The following PKIB variants were observed in gnomAD, a reference collection of about 807,000 sequenced individuals.
PKIB encodes the protein cAMP-dependent protein kinase inhibitor beta.
A neutral mutation model predicts 4.5 loss-of-function variants in PKIB; 2 were observed. That is an observed-to-expected ratio of 0.44 (90% CI 0.18 to 1.39). The LOEUF (loss-of-function observed/expected upper bound fraction) is 1.39. PKIB is among the 40% of genes most tolerant of loss of function. The pLI is 0.27. For synonymous variants in PKIB, 38 were observed against 36.0 expected (o/e 1.06, Z -0.20); for missense variants, 94 against 92.6 (o/e 1.02, Z -0.06).
chr6:122,653,731 C>T (rs1275385387), intron 2 of PKIB, among the ~76,000 whole-genome samples: 1 of 151,754 alleles, frequency 6.6e-6, no homozygotes, highest in Non-Finnish European at 1.5e-5. Flanking sequence ...GAGGTCGAGG[C>T]GGGCGGATCA....
At chr6:122,692,766 A>G (rs1778408873) in intron 3 of PKIB, among the ~76,000 whole-genome samples, 1 of 152,216 alleles carries the variant, frequency 6.6e-6, no homozygotes, top group Non-Finnish European at 1.5e-5. Flanking sequence ...TCAGGGGGAC[A>G]ATAGGTAGAG....
At chr6:122,697,213 G>C (rs530621974) in intron 3 of PKIB, among the ~76,000 whole-genome samples, 1 of 152,152 alleles carries the variant, frequency 6.6e-6, no homozygotes, top group South Asian at 2.1e-4. Flanking sequence ...TGCTACTCAA[G>C]GATAAATAGA....
chr6:122,521,495 A>G (rs1386351835), intron 2 of PKIB, among the ~76,000 whole-genome samples: 1 of 151,942 alleles, frequency 6.6e-6, no homozygotes, highest in African/African-American at 2.4e-5. Flanking sequence ...CCTGGCTAAC[A>G]CGGTGAAACG....
At chr6:122,603,053 A>G (rs1774427394) in intron 3 of PKIB, among the ~76,000 whole-genome samples, 1 of 151,992 alleles carries the variant, frequency 6.6e-6, no homozygotes, top group South Asian at 2.1e-4. Flanking sequence ...ATTCCCCAGG[A>G]ACATCTCAAA....
At chr6:122,708,591 GAATGCCTTTTTA>G (rs1339020120) in intron 3 of PKIB, among the ~76,000 whole-genome samples, 5 of 152,062 alleles carry the variant, frequency 3.3e-5, no homozygotes, top group Non-Finnish European at 7.4e-5. Context: ...ATGATTTTTT[GAATGCCTTTTTA>G]AACAATATCA....
chr6:122,556,579 A>G (rs1428069123), intron 2 of PKIB, among the ~76,000 whole-genome samples: 1 of 152,148 alleles, frequency 6.6e-6, no homozygotes, highest in African/African-American at 2.4e-5. Flanking sequence ...CTGCTCTACA[A>G]CTTGGGCCAT....
chr6:122,551,069 T>C (rs947546727), intron 2 of PKIB, among the ~76,000 whole-genome samples: 1 of 152,184 alleles, frequency 6.6e-6, no homozygotes, highest in African/African-American at 2.4e-5. Context: ...TGAGGTTATC[T>C]CTGTTATCCT....
At chr6:122,541,076 C>A (rs1353103625) in intron 2 of PKIB, among the ~76,000 whole-genome samples, 1 of 151,230 alleles carries the variant, frequency 6.6e-6, no homozygotes, top group Non-Finnish European at 1.5e-5. Flanking sequence ...CTATGTGTGT[C>A]TCTGCACGTG....
chr6:122,599,662 C>T (rs1774293486), intron 3 of PKIB, among the ~76,000 whole-genome samples: 1 of 152,128 alleles, frequency 6.6e-6, no homozygotes, highest in African/African-American at 2.4e-5. Flanking sequence ...CCTTGGTTCT[C>T]CACATATGGT....
chr6:122,711,245 A>G (rs755428232), intron 3 of PKIB, among the ~76,000 whole-genome samples: 1 of 152,036 alleles, frequency 6.6e-6, no homozygotes, highest in South Asian at 2.1e-4. Context: ...TATACAGTGA[A>G]TTTTCTTTTT....
intron 2 of PKIB, among the ~76,000 whole-genome samples, chr6:122,534,903 C>T (rs780506992): frequency 9.2e-5 from 14 of 152,086 alleles, no homozygotes; most frequent in Non-Finnish European, 1.5e-4. Context: ...AGAGTTTCAG[C>T]GAATATTCAT....
intron 2 of PKIB, among the ~76,000 whole-genome samples, chr6:122,560,144 T>C (rs2114670529): frequency 6.6e-6 from 1 of 152,214 alleles, no homozygotes; most frequent in Admixed American, 6.6e-5. Context: ...ATGCTTTCAA[T>C]TTTTCCCCAT....
At chr6:122,528,207 C>T (rs1431898917) in intron 2 of PKIB, among the ~76,000 whole-genome samples, 1 of 152,136 alleles carries the variant, frequency 6.6e-6, no homozygotes, top group Non-Finnish European at 1.5e-5. Flanking sequence ...TATAGCCACT[C>T]CTGCTGTTTT....
chr6:122,508,852 G>A (rs1438248512), intron 2 of PKIB, among the ~76,000 whole-genome samples: 5 of 151,820 alleles, frequency 3.3e-5, no homozygotes, highest in South Asian at 2.1e-4. Context: ...CTGGGTTCAC[G>A]CCATTCTCCT....
intron 1 of PKIB, among the ~76,000 whole-genome samples, chr6:122,475,178 T>G (rs1775421885): frequency 6.6e-6 from 1 of 152,164 alleles, no homozygotes; most frequent in Non-Finnish European, 1.5e-5. Context: ...TGGCCTGATC[T>G]CAGCTCACTG....
chr6:122,507,368 A>G (rs1238559248), intron 2 of PKIB, among the ~76,000 whole-genome samples: 1 of 152,200 alleles, frequency 6.6e-6, no homozygotes, highest in Non-Finnish European at 1.5e-5. Flanking sequence ...ACCATGTAAC[A>G]GGCCTAATTA....
Position 122,561,994 on chromosome 6 carries a change from G to GTTTTTTTT in PKIB, c.-247-23925_-247-23918dup. 1.1e-3 allele frequency among the ~76,000 whole-genome samples: 46 copies of GTTTTTTTT among 40,902 alleles called. 1 individual carries two copies. Among genetic ancestry groups the GTTTTTTTT allele is most frequent in the South Asian group, 1.3e-3 (1 of 744 alleles). The allele number at this position is 40,902 out of a possible 152,430, so 26.8% of individuals were successfully genotyped here. A position where few individuals can be genotyped will look rare whatever the true frequency, so the allele number is the denominator to read the frequency against. On this transcript the variant is annotated intron_variant, in intron 2 of 6. Transcript: ENST00000392491. ...GCATAGTTTTTTTTTGTTTGTTTTTGTTTTTTTTTGTTTTTTTTTTTTTTT... is the reference window on the plus strand; with the variant it reads ...GCATAGTTTTTTTTTGTTTGTTTTTGTTTTTTTTTTTTTTTTTGTTTTTTTTTTTTTTT...
intron 3 of PKIB, among the ~76,000 whole-genome samples, chr6:122,697,522 A>G (rs1009381715): frequency 3.9e-5 from 6 of 151,992 alleles, no homozygotes; most frequent in African/African-American, 1.5e-4. Context: ...GCATGTCTCC[A>G]TATATAACCA....
chr6:122,717,085 T>C (rs1414209001), intron 3 of PKIB, among the ~76,000 whole-genome samples: 3 of 152,126 alleles, frequency 2.0e-5, no homozygotes, highest in African/African-American at 2.4e-5. Flanking sequence ...CCTCCCTTTA[T>C]AGTGAATGAT....
Sources: gnomAD v4.1 joint callset for allele counts (sites outside exome capture counted in the v4.1 genomes callset) on GRCh38, gnomAD v4.1.1 for gene constraint, MANE v1.5 for transcripts, NCBI Gene and HGNC (gene_info 2026-07-23, HGNC 2026-07-21) for gene names.